Variants in NLGN1 observed in about 807,000 individuals in gnomAD.
NLGN1 encodes neuroligin 1, also known as neuroligin-1.
A neutral mutation model predicts 65.5 loss-of-function variants in NLGN1; 12 were observed. The observed-to-expected ratio is 0.18, with a 90% CI of 0.12 to 0.30. NLGN1 has a LOEUF of 0.30. Among genes scored for constraint, NLGN1 ranks in the 10% least tolerant of loss-of-function variants. The probability of loss-of-function intolerance (pLI) is 1.00; values close to 1 mark genes in which losing one functional copy is unlikely to be tolerated. For synonymous variants in NLGN1, 350 were observed against 359.5 expected (o/e 0.97, Z 0.30); for missense variants, 750 against 1,007.1 (o/e 0.74, Z 3.46).
At chr3:173,490,037 C>T (rs1430765742) in intron 2 of NLGN1, among the ~76,000 whole-genome samples, 4 of 152,086 alleles carry the variant, frequency 2.6e-5, no homozygotes, top group Non-Finnish European at 5.9e-5. Context: ...CTGTAGGTTG[C>T]CTGTTCACTC....
At chr3:173,862,888 T>TTC (rs143058477) in intron 4 of NLGN1, among the ~76,000 whole-genome samples, 2,693 of 152,288 alleles carry the variant, frequency 0.018, 62 homozygotes, top group Middle Eastern at 0.065. Flanking sequence ...CCTTGCTCAC[T>TTC]TCTCTAATCT....
intron 4 of NLGN1, among the ~76,000 whole-genome samples, chr3:174,232,779 A>T (rs1740967110): frequency 6.6e-6 from 1 of 152,222 alleles, no homozygotes; most frequent in African/African-American, 2.4e-5. Context: ...TGTCATGTAG[A>T]TGAAGCCTCC....
chr3:173,447,078 A>G (rs1720505062), intron 2 of NLGN1, among the ~76,000 whole-genome samples: 1 of 152,068 alleles, frequency 6.6e-6, no homozygotes, highest in Admixed American at 6.5e-5. Flanking sequence ...ATTAGAACCC[A>G]TTTGTCAATT....
At chr3:173,730,324 C>CCCT (rs1553822030) in intron 3 of NLGN1, among the ~76,000 whole-genome samples, 3 of 124,342 alleles carry the variant, frequency 2.4e-5, no homozygotes, top group Admixed American at 8.1e-5. Context: ...CCCACCGCTC[C>CCCT]CCCCCCCCCG....
At chr3:173,935,132 C>T (rs1744815708) in intron 4 of NLGN1, among the ~76,000 whole-genome samples, 1 of 152,000 alleles carries the variant, frequency 6.6e-6, no homozygotes, top group South Asian at 2.1e-4. Flanking sequence ...GAATCTTTCT[C>T]TTCCTTATTA....
chr3:174,280,510 C>G lies in NLGN1; in HGVS notation c.1679C>G (p.Thr560Arg). The change falls in exon 7 of 7, where the codon ACG (threonine) becomes AGG (arginine). Residue 560 changes from threonine to arginine, a missense_variant. Transcript: ENST00000457714. This position sits in a 1 kb window ranked among gnomAD's most constrained non-coding sequence, Gnocchi z 4.9. ...CCAAATCAACCAGTCCCTCAAGACA[C>G]GAAATTCATTCATACCAAACCCAAC... The G allele has an allele frequency of 6.2e-7, 1 of 1,610,946 alleles. No individual in the cohort carries two copies. The highest frequency in any genetic ancestry group is 1.3e-5 in the African/African-American group (1 of 74,776).
chr3:173,902,516 C>T (rs934820820), intron 4 of NLGN1, among the ~76,000 whole-genome samples: 2 of 152,076 alleles, frequency 1.3e-5, no homozygotes. Context: ...TTTCTCTCCA[C>T]AATATGGAAT....
intron 3 of NLGN1, among the ~76,000 whole-genome samples, chr3:173,667,947 G>A (rs186681447): frequency 8.6e-4 from 131 of 152,094 alleles, no homozygotes; most frequent in Middle Eastern, 3.4e-3. Flanking sequence ...TTTTATAATA[G>A]CAAAACCTGG....
At chr3:173,788,518 T>C (rs1711812028) in intron 3 of NLGN1, among the ~76,000 whole-genome samples, 1 of 152,122 alleles carries the variant, frequency 6.6e-6, no homozygotes, top group Non-Finnish European at 1.5e-5. Context: ...CTGCCTTTAA[T>C]TTCATAAATG....
intron 3 of NLGN1, among the ~76,000 whole-genome samples, chr3:173,714,295 A>G (rs1354643723): frequency 6.6e-6 from 1 of 152,132 alleles, no homozygotes; most frequent in Non-Finnish European, 1.5e-5. Flanking sequence ...TTTCTCATCT[A>G]AAGTTGGGGC....
chr3:174,013,993 G>A (rs1287151581), intron 4 of NLGN1, among the ~76,000 whole-genome samples: 1 of 151,996 alleles, frequency 6.6e-6, no homozygotes, highest in African/African-American at 2.4e-5. Context: ...AGGATTATAG[G>A]CATGAGCCAC....
At chr3:174,223,809 G>C (rs979303518) in intron 4 of NLGN1, among the ~76,000 whole-genome samples, 44 of 152,132 alleles carry the variant, frequency 2.9e-4, no homozygotes, top group African/African-American at 1.0e-3. Flanking sequence ...GCCTACAGTA[G>C]CATGACCAAA....
At chr3:174,287,238 CTA>C (rs755834852), downstream of NLGN1, among the ~76,000 whole-genome samples, 1 of 151,278 alleles carries the variant, frequency 6.6e-6, no homozygotes, top group Non-Finnish European at 1.5e-5. Context: ...GGTAGGAAGA[CTA>C]TGGGAAGTAA....
chr3:173,676,381 G>C (rs1260804604), intron 3 of NLGN1, among the ~76,000 whole-genome samples: 2 of 152,056 alleles, frequency 1.3e-5, no homozygotes, highest in African/African-American at 4.8e-5. Flanking sequence ...TTCCAAATCA[G>C]TTCAAGTACC....
At chr3:173,801,239 A>G (rs1715402953) in intron 3 of NLGN1, among the ~76,000 whole-genome samples, 1 of 152,008 alleles carries the variant, frequency 6.6e-6, no homozygotes, top group African/African-American at 2.4e-5. Context: ...ACCTAGATTG[A>G]CTTGACATTT....
intron 4 of NLGN1, among the ~76,000 whole-genome samples, chr3:174,023,615 T>C (rs557064132): frequency 6.6e-6 from 1 of 152,250 alleles, no homozygotes; most frequent in Non-Finnish European, 1.5e-5. Context: ...GCCATCTGTC[T>C]GAGAACTCCC....
At chr3:174,067,309 G>T (rs1367009534) in intron 4 of NLGN1, among the ~76,000 whole-genome samples, 2 of 151,988 alleles carry the variant, frequency 1.3e-5, no homozygotes, top group African/African-American at 4.8e-5. Flanking sequence ...TATATTTGAG[G>T]GGGTATATTT....
intron 4 of NLGN1, among the ~76,000 whole-genome samples, chr3:173,911,519 T>C (rs1269274674): frequency 6.6e-6 from 1 of 152,200 alleles, no homozygotes; most frequent in Non-Finnish European, 1.5e-5. Flanking sequence ...AATCAGAGAT[T>C]AGCTCAAAAC....
At chr3:174,052,730 A>G (rs947091818) in intron 4 of NLGN1, among the ~76,000 whole-genome samples, 5 of 152,018 alleles carry the variant, frequency 3.3e-5, no homozygotes, top group Non-Finnish European at 5.9e-5. Context: ...GAGAGTGTAC[A>G]GTATTTGCGT....
Sources: gnomAD v4.1 joint callset for allele counts (sites outside exome capture counted in the v4.1 genomes callset) on GRCh38, gnomAD v4.1.1 for gene constraint, Gnocchi (gnomAD v3.1) non-coding constraint, MANE v1.5 for transcripts, NCBI Gene and HGNC (gene_info 2026-07-23, HGNC 2026-07-21) for gene names.